SCAPER: variants seen among roughly 807,000 people sequenced by gnomAD.
The protein encoded by SCAPER is S-phase cyclin A associated protein in the ER, also known as S phase cyclin A-associated protein in the endoplasmic reticulum.
SCAPER carries 98 observed loss-of-function variants against 182.2 expected under a neutral mutation model. The observed-to-expected ratio is 0.54, with a 90% CI of 0.46 to 0.64. SCAPER has a LOEUF of 0.64. Among genes scored for constraint, SCAPER ranks in the 30% least tolerant of loss-of-function variants. The probability of loss-of-function intolerance (pLI) is 0.00; values close to 1 mark genes in which losing one functional copy is unlikely to be tolerated. For missense variants in SCAPER, 1,432 were observed against 1,690.0 expected (o/e 0.85, Z 2.68); for synonymous variants, 605 against 564.6 (o/e 1.07, Z -1.01).
chr15:76,825,332 C>T (rs1053622157), intron 5 of SCAPER, among the ~76,000 whole-genome samples: 11 of 152,104 alleles, frequency 7.2e-5, no homozygotes, highest in Non-Finnish European at 1.0e-4. Flanking sequence ...CCTATTCTCC[C>T]TTTAACAGCC....
chr15:76,867,097 CTTCT>C (rs2072355372), intron 2 of SCAPER, among the ~76,000 whole-genome samples: 2 of 152,114 alleles, frequency 1.3e-5, no homozygotes, highest in East Asian at 3.8e-4. Flanking sequence ...CCCAAAGAAA[CTTCT>C]TTCTCTTAGG....
intron 23 of SCAPER, among the ~76,000 whole-genome samples, chr15:76,519,091 C>A (rs2042655679): frequency 6.6e-6 from 1 of 152,096 alleles, no homozygotes; most frequent in Non-Finnish European, 1.5e-5. Flanking sequence ...TGGAGGACAC[C>A]CGACCATTAA....
At chr15:76,720,035 C>T (rs1377557861) in intron 17 of SCAPER, among the ~76,000 whole-genome samples, 3 of 151,346 alleles carry the variant, frequency 2.0e-5, no homozygotes, top group East Asian at 1.9e-4. Flanking sequence ...CCCATTAACT[C>T]ATCATTTAGC....
At chr15:76,526,201 C>T (rs1355205860) in intron 23 of SCAPER, among the ~76,000 whole-genome samples, 3 of 151,866 alleles carry the variant, frequency 2.0e-5, no homozygotes, top group Non-Finnish European at 4.4e-5. Context: ...ACTATATTTC[C>T]TTATCTTTGA....
chr15:76,491,178 C>T (rs998786074), intron 24 of SCAPER, among the ~76,000 whole-genome samples: 9 of 152,178 alleles, frequency 5.9e-5, no homozygotes, highest in African/African-American at 2.2e-4. Context: ...CTCTATATGC[C>T]TGTCTTTATG....
chr15:76,469,279 G>A (rs2049940026), intron 25 of SCAPER, among the ~76,000 whole-genome samples: 1 of 149,940 alleles, frequency 6.7e-6, no homozygotes, highest in Admixed American at 6.8e-5. Flanking sequence ...AGTATGAAAT[G>A]ATAGGAGAGC....
intron 15 of SCAPER, among the ~76,000 whole-genome samples, chr15:76,742,466 TAAAAAAAAAAAAAAAAAAA>T (rs55751202): frequency 0.03 from 1,133 of 37,196 alleles, 45 homozygotes; most frequent in African/African-American, 0.11. Context: ...TGTCTTTTCC[TAAAAAAAAAAAAAAAAAAA>T]AAAAAAAAAG....
At chr15:76,719,846 TA>T (rs937587326) in intron 17 of SCAPER, among the ~76,000 whole-genome samples, 2 of 151,562 alleles carry the variant, frequency 1.3e-5, no homozygotes, top group Admixed American at 6.6e-5. Context: ...TAGAAAACGC[TA>T]AAAAAAATCT....
intron 21 of SCAPER, among the ~76,000 whole-genome samples, chr15:76,634,960 A>G (rs2053470583): frequency 6.6e-6 from 1 of 152,194 alleles, no homozygotes. Context: ...TAGCAAAACT[A>G]ATTTTAACAT....
intron 21 of SCAPER, 42 bp downstream of exon 21, chr15:76,665,611 C>G (rs2146761474): frequency 3.9e-6 from 6 of 1,539,210 alleles, no homozygotes; most frequent in African/African-American, 2.8e-5. Flanking sequence ...AAAGATACAT[C>G]ACTAAAAGTT....
At chr15:76,742,901 C>A (rs1263509794) in intron 15 of SCAPER, among the ~76,000 whole-genome samples, 1 of 151,952 alleles carries the variant, frequency 6.6e-6, no homozygotes, top group East Asian at 1.9e-4. Context: ...AACAGAACAA[C>A]AGAAATACAT....
chr15:76,693,405 T>C (rs899456114), intron 20 of SCAPER, among the ~76,000 whole-genome samples: 1 of 152,154 alleles, frequency 6.6e-6, no homozygotes, highest in Non-Finnish European at 1.5e-5. Context: ...AACACCTCAT[T>C]AGCTGTGGAA....
At chr15:76,893,784 T>C (rs949577932) in intron 1 of SCAPER, among the ~76,000 whole-genome samples, 3 of 152,020 alleles carry the variant, frequency 2.0e-5, no homozygotes, top group Non-Finnish European at 4.4e-5. Context: ...TTCACAAATA[T>C]GTGGAAATTA....
intron 7 of SCAPER, among the ~76,000 whole-genome samples, chr15:76,798,031 C>CA (rs2065459333): frequency 6.6e-6 from 1 of 151,416 alleles, no homozygotes; most frequent in African/African-American, 2.4e-5. Flanking sequence ...GCTTACTAGA[C>CA]AAAGACTTTA....
At chr15:76,377,100 C>A (rs1421653231) in intron 28 of SCAPER, among the ~76,000 whole-genome samples, 1 of 152,166 alleles carries the variant, frequency 6.6e-6, no homozygotes, top group South Asian at 2.1e-4. Context: ...CCACTGCTGG[C>A]CTGTGGGAAA....
At position 76,420,083 on chromosome 15, in the gene SCAPER, A is replaced by G. The variant is rs1317666232; in HGVS notation, c.3311+13995T>C. ...CAGAAAAACAATTTGACAAAACTCA[A>G]CATTCCTTCATTGAAAAAACTCTCA... On this transcript the variant is annotated intron_variant, in intron 26 of 31. Transcript: ENST00000563290. Among the ~76,000 whole-genome samples the G allele has an allele frequency of 2.6e-5, 4 of 152,284 alleles. No individual in the cohort carries two copies. The East Asian group carries it at 7.7e-4, about 29-fold the overall frequency.
chr15:76,767,816 A>T (rs1202693047), intron 10 of SCAPER, among the ~76,000 whole-genome samples: 4 of 152,156 alleles, frequency 2.6e-5, no homozygotes, highest in East Asian at 1.9e-4. Context: ...ATAGGCAGAG[A>T]TTATCAAACT....
At chr15:76,769,218 G>T (rs564069444) in intron 10 of SCAPER, among the ~76,000 whole-genome samples, 1 of 151,766 alleles carries the variant, frequency 6.6e-6, no homozygotes, top group Admixed American at 6.6e-5. Context: ...CGAGGCGGGT[G>T]GATCACGAGG....
intron 1 of SCAPER, among the ~76,000 whole-genome samples, chr15:76,886,463 G>C (rs895213655): frequency 6.6e-6 from 1 of 152,176 alleles, no homozygotes; most frequent in Non-Finnish European, 1.5e-5. Context: ...CTGGGCAACA[G>C]AGTGAGACTC....
Sources: gnomAD v4.1 joint callset for allele counts (sites outside exome capture counted in the v4.1 genomes callset) on GRCh38, gnomAD v4.1.1 for gene constraint, MANE v1.5 for transcripts, NCBI Gene and HGNC (gene_info 2026-07-23, HGNC 2026-07-21) for gene names.